IGFN1: variants seen among roughly 807,000 people sequenced by gnomAD.
The protein encoded by IGFN1 is immunoglobulin like and fibronectin type III domain containing 1, also known as immunoglobulin-like and fibronectin type III domain-containing protein 1.
Under a neutral mutation model 289.5 loss-of-function variants are expected in IGFN1, and 253 were observed. That is an observed-to-expected ratio of 0.87 (90% CI 0.79 to 0.97). The LOEUF (loss-of-function observed/expected upper bound fraction) is 0.97. IGFN1 is among the 50% of genes least tolerant of loss of function. IGFN1 has a pLI of 0.00. For synonymous variants in IGFN1, 1,706 were observed against 1,788.5 expected, an observed-to-expected ratio of 0.95 and a Z score of 1.16; for missense variants, 4,470 against 4,686.1, an observed-to-expected ratio of 0.95 and a Z score of 1.35.
At chr1:201,225,007 T>G in intron 21 of IGFN1, 133 bp downstream of exon 21, 1 of 608,154 alleles carries the variant, frequency 1.6e-6, no homozygotes, top group Non-Finnish European at 2.7e-6. Context: ...ATTCTCCACC[T>G]TTCCTCCATG....
intron 4 of IGFN1, among the ~76,000 whole-genome samples, chr1:201,196,963 A>G (rs1391115709): frequency 6.6e-6 from 1 of 151,954 alleles, no homozygotes; most frequent in Non-Finnish European, 1.5e-5. Flanking sequence ...TTTCAGGCCC[A>G]GATCCATCTG....
chr1:201,191,575 T>C (rs1572155431), intron 1 of IGFN1, among the ~76,000 whole-genome samples: 2 of 152,190 alleles, frequency 1.3e-5, no homozygotes, highest in East Asian at 3.8e-4. Context: ...ATTCATTTCC[T>C]TTCTCATCCC....
chr1:201,196,083 C>G, intron 4 of IGFN1, 105 bp downstream of exon 4: 4 of 1,148,652 alleles, frequency 3.5e-6, no homozygotes, highest in Non-Finnish European at 4.8e-6. Flanking sequence ...AGACATACTC[C>G]TCGTTGAGGT....
At chr1:201,215,435 G>A in intron 14 of IGFN1, 104 bp from the exon 15 acceptor site, 1 of 1,059,072 alleles carries the variant, frequency 9.4e-7, no homozygotes, top group Non-Finnish European at 1.4e-6. Context: ...TGGGGCAGGG[G>A]ATTCCTTACT....
intron 20 of IGFN1, 69 bp downstream of exon 20, chr1:201,222,896 G>A (rs1653830257): frequency 9.3e-7 from 1 of 1,076,296 alleles, no homozygotes; most frequent in Non-Finnish European, 1.4e-6. Flanking sequence ...TCAGCCCTGT[G>A]GCTCTCTTTT....
At chr1:201,191,557 A>C (rs1299475274) in intron 1 of IGFN1, among the ~76,000 whole-genome samples, 1 of 152,182 alleles carries the variant, frequency 6.6e-6, no homozygotes, top group African/African-American at 2.4e-5. Flanking sequence ...TGAATTATGG[A>C]GGAGAGAATT....
At chr1:201,198,676 C>A (rs925148976) in intron 5 of IGFN1, among the ~76,000 whole-genome samples, 1 of 152,154 alleles carries the variant, frequency 6.6e-6, no homozygotes, top group Admixed American at 6.5e-5. Flanking sequence ...ATCCTCCCCC[C>A]TCGGCCTCCC....
intron 13 of IGFN1, 129 bp downstream of exon 13, chr1:201,214,430 G>A (rs1269298756): frequency 2.4e-5 from 24 of 989,244 alleles, no homozygotes; most frequent in Non-Finnish European, 3.2e-5. Context: ...TCCACCTCAG[G>A]AGAAGTTTAA....
Position 201,221,597 on chromosome 1 carries a change from G to A in IGFN1, c.10052G>A (p.Cys3351Tyr). ...CSSDSLQWLP[C>Y]HVGTVPVTTY... ...TCAGACAGTCTCCAGTGGCTCCCGT[G>A]CCATGTGGGCACCGTGCCAGTCACC... The change falls in exon 19 of 24, where the codon TGC becomes TAC. Residue 3351 changes from cysteine to tyrosine, a missense_variant. By Grantham distance (194) the Cys-to-Tyr change is radical. Coordinates refer to ENST00000335211, the MANE Select transcript of IGFN1 (RefSeq NM_001164586.2). The A allele has an allele frequency of 6.2e-7, 1 of 1,614,202 alleles. No homozygotes were observed.
intron 5 of IGFN1, among the ~76,000 whole-genome samples, chr1:201,198,787 C>T (rs1413692188): frequency 6.6e-6 from 1 of 152,182 alleles, no homozygotes; most frequent in Non-Finnish European, 1.5e-5. Flanking sequence ...GCTCATTGGT[C>T]AGGACAGTGT....
Position 201,209,411 on chromosome 1 carries a change from T to A in IGFN1, c.4518T>A (p.Gly1506=). Reference sequence around the variant, plus strand: ...ATTTGGGGGTTTCTGAGGGAGGGGGTTCAGGGAGCAAAGCAGGTTATAGGG... The same window carrying A: ...ATTTGGGGGTTTCTGAGGGAGGGGGATCAGGGAGCAAAGCAGGTTATAGGG... ...RKDLGVSEGG[G]SGSKAGYRGG... Residue 1506 remains glycine (G), a synonymous_variant, in exon 12 of 24, where the codon GGT becomes GGA. Coordinates refer to ENST00000335211, the MANE Select transcript of IGFN1 (RefSeq NM_001164586.2). The A allele has an allele frequency of 6.6e-7, 1 of 1,522,230 alleles. No homozygotes were observed. Among genetic ancestry groups the A allele is most frequent in the Non-Finnish European group, 8.8e-7 (1 of 1,139,824 alleles). The allele number at this position is 1,522,230 out of a possible 1,614,324, so 94.3% of individuals were successfully genotyped here.
chr1:201,199,971 T>G (rs1667076261), intron 7 of IGFN1, among the ~76,000 whole-genome samples: 1 of 152,096 alleles, frequency 6.6e-6, no homozygotes, highest in Admixed American at 6.5e-5. Context: ...CAACACCCAC[T>G]TTCCCCAGAC....
In IGFN1 at chr1:201,218,644, C is replaced by T. The variant is rs1293770143; in HGVS notation, c.9884C>T (p.Ala3295Val). ...GGACCTCCATCGGATGCTGTCTTTG[C>T]TCGGGACCCCATGAGTAAGTAGGGC... ...EPGPPSDAVF[A>V]RDPMRPPGLV... is the part of the protein sequence containing the mutation. Residue 3295 changes from alanine (A) to valine (V), a missense_variant, in exon 18 of 24, where the codon GCT (alanine) becomes GTT (valine). Ala to Val is a moderately conservative substitution (Grantham distance 64). Transcript: ENST00000335211. The T allele has an allele frequency of 6.2e-7, 1 of 1,605,766 alleles. No homozygotes were observed. Among genetic ancestry groups the T allele is most frequent in the Non-Finnish European group, 8.5e-7 (1 of 1,179,236 alleles).
chr1:201,213,652 T>C (rs555439006), intron 12 of IGFN1, 31 bp downstream of exon 12: 4 of 1,575,816 alleles, frequency 2.5e-6, no homozygotes, highest in African/African-American at 2.7e-5. Context: ...CTGGCTCCCA[T>C]GGGCTAGAGA....
At position 201,228,436 on chromosome 1, in the gene IGFN1, G is replaced by A; in HGVS notation, c.*37G>A. Reference sequence around the variant, plus strand: ...CCTGGGATGGTCCTGGACCCTTGAAGCTTCACTTCCGACACCTGCACTGGC... The same window carrying A: ...CCTGGGATGGTCCTGGACCCTTGAAACTTCACTTCCGACACCTGCACTGGC... On this transcript the variant is annotated 3_prime_UTR_variant, in exon 24 of 24. Coordinates refer to ENST00000335211, the MANE Select transcript of IGFN1 (RefSeq NM_001164586.2). 6.2e-7 allele frequency: 1 copy of A among 1,610,468 alleles called. No homozygotes were observed. The highest frequency in any genetic ancestry group is 8.5e-7 in the Non-Finnish European group (1 of 1,176,714).
In IGFN1 at chr1:201,200,308, A is replaced by G; in HGVS notation, c.530A>G (p.Lys177Arg). 3.2e-6 allele frequency: 5 copies of G among 1,551,738 alleles called. No homozygotes were observed. Among genetic ancestry groups the G allele is most frequent in the Non-Finnish European group, 3.5e-6 (4 of 1,146,968 alleles). Residue 177 changes from lysine (K) to arginine (R), a missense_variant, in exon 8 of 24, where the codon AAG (lysine) becomes AGG (arginine). Physicochemically the swap from Lys to Arg is conservative, Grantham distance 26. Transcript: ENST00000335211. ...IWQLLMTADR[K>R]DYEKICLKYG... ...CAGCTGCTGATGACAGCAGACAGGA[A>G]GGACTACGAGAAGATCTGCTTGAAG...
chr1:201,214,298 C>A lies in IGFN1; in HGVS notation c.8850C>A (p.Val2950=). The A allele has an allele frequency of 6.2e-7, 1 of 1,608,298 alleles. No individual in the cohort carries two copies. The highest frequency in any genetic ancestry group is 1.1e-5 in the South Asian group (1 of 90,770). The change falls in exon 13 of 24, where the codon GTC becomes GTA. Residue 2950 remains valine (V), a synonymous_variant. Coordinates refer to ENST00000335211, the MANE Select transcript of IGFN1 (RefSeq NM_001164586.2). Reference sequence around the variant, plus strand: ...CTGGCACCTGGTTTAAGGATGGCGTCAAGGTACTGCCTCCCCTCACACCTT... The same window carrying A: ...CTGGCACCTGGTTTAAGGATGGCGTAAAGGTACTGCCTCCCCTCACACCTT... ...LGPGTWFKDG[V]KLTTQDGVIF...
At chr1:201,222,652 C>T in intron 19 of IGFN1, 87 bp from the exon 20 acceptor site, 9 of 839,222 alleles carry the variant, frequency 1.1e-5, no homozygotes, top group South Asian at 1.6e-5. Flanking sequence ...CCCAGTCTTC[C>T]CCTCCAGCCC....
In IGFN1 at chr1:201,212,685, G is replaced by A; in HGVS notation, c.7792G>A (p.Asp2598Asn). The change falls in exon 12 of 24, where the codon GAT becomes AAT. Residue 2598 changes from aspartate to asparagine, a missense_variant. Asp to Asn is a conservative substitution (Grantham distance 23). This residue lies in a region of IGFN1 where 2,218 missense variants were observed against 2,114.1 expected (regional missense o/e 1.05). Coordinates refer to ENST00000335211, the MANE Select transcript of IGFN1 (RefSeq NM_001164586.2). ...GSGSSVGTGQDLDSGSMPGGR... is the reference protein window; with the variant it reads ...GSGSSVGTGQNLDSGSMPGGR... ...AGGGAGTTCAGTGGGGACAGGTCAG[G>A]ATCTGGACAGCGGCTCTATGCCTGG... The A allele has an allele frequency of 6.5e-7, 1 of 1,547,788 alleles. No individual in the cohort carries two copies. Among genetic ancestry groups the A allele is most frequent in the Non-Finnish European group, 8.7e-7 (1 of 1,144,870 alleles).
Sources: allele counts gnomAD v4.1 joint callset (sites outside exome capture counted in the v4.1 genomes callset), GRCh38; gene constraint gnomAD v4.1.1; regional missense constraint gnomAD v4.1.1; transcripts MANE v1.5; gene names NCBI Gene and HGNC (gene_info 2026-07-23, HGNC 2026-07-21).